ZNF451: variants seen among roughly 807,000 people sequenced by gnomAD.
ZNF451 encodes zinc finger protein 451, also known as E3 SUMO-protein ligase ZNF451.
Under a neutral mutation model 107.1 loss-of-function variants are expected in ZNF451, and 80 were observed. The ratio of observed to expected loss-of-function variants is 0.75; its 90% CI spans 0.62 to 0.90. The LOEUF is 0.90. Among genes scored for constraint, ZNF451 ranks in the 40% least tolerant of loss-of-function variants. The probability of loss-of-function intolerance (pLI) is 0.00; values close to 1 mark genes in which losing one functional copy is unlikely to be tolerated. For synonymous variants in ZNF451, 362 were observed against 406.5 expected, an observed-to-expected ratio of 0.89 and a Z score of 1.32; for missense variants, 1,107 against 1,236.2, an observed-to-expected ratio of 0.90 and a Z score of 1.57.
At chr6:57,160,751 T>C (rs1763636739) in intron 13 of ZNF451, 3 of 182,910 alleles carry the variant, frequency 1.6e-5, no homozygotes, top group Non-Finnish European at 3.4e-5. Flanking sequence ...TTTTCAGTCA[T>C]ACCGTATTAT....
intron 3 of ZNF451, among the ~76,000 whole-genome samples, chr6:57,111,174 G>T (rs1830090016): frequency 1.3e-5 from 2 of 151,826 alleles, no homozygotes. Flanking sequence ...GCCCACTTTG[G>T]CCTCCCGAAG....
At chr6:57,101,482 A>G in intron 3 of ZNF451, 1 of 1,551,048 alleles carries the variant, frequency 6.4e-7, no homozygotes, top group Non-Finnish European at 8.7e-7. Flanking sequence ...AGAACACAGC[A>G]AAAGAGGAAA....
chr6:57,159,285 C>A, intron 13 of ZNF451: 1 of 985,394 alleles, frequency 1.0e-6, no homozygotes, highest in Non-Finnish European at 1.2e-6. Context: ...ATTATTCAAA[C>A]CTGTAGTGTA....
At chr6:57,109,303 A>AT (rs34845247) in intron 3 of ZNF451, 67,055 of 730,798 alleles carry the variant, frequency 0.092, 400 homozygotes, top group Non-Finnish European at 0.1. Context: ...ATATACACAC[A>AT]TTTTTTTTTT....
At chr6:57,118,540 A>G (rs73467901) in intron 3 of ZNF451, among the ~76,000 whole-genome samples, 3 of 152,104 alleles carry the variant, frequency 2.0e-5, no homozygotes, top group African/African-American at 7.2e-5. Context: ...GTTGTCCCCC[A>G]GGCTGGATCA....
chr6:57,141,189 A>G (rs1487716916), intron 7 of ZNF451, 113 bp from the exon 8 acceptor site: 1 of 834,202 alleles, frequency 1.2e-6, no homozygotes, highest in African/African-American at 1.8e-5. Context: ...TCATGTTAAA[A>G]ATTGATACAG....
At chr6:57,098,911 G>T in intron 2 of ZNF451, 150 bp from the exon 3 acceptor site, 2 of 576,716 alleles carry the variant, frequency 3.5e-6, no homozygotes, top group Non-Finnish European at 6.3e-6. Flanking sequence ...TTCCTCTGCT[G>T]CTTTTGTTCT....
At chr6:57,154,588 G>A (rs1763310649) in intron 13 of ZNF451, 1 of 154,090 alleles carries the variant, frequency 6.5e-6, no homozygotes, top group Non-Finnish European at 1.4e-5. Flanking sequence ...AATGAAAGGA[G>A]TGCTGATACC....
At chr6:57,143,429 A>G (rs1316979991) in intron 9 of ZNF451, among the ~76,000 whole-genome samples, 2 of 151,978 alleles carry the variant, frequency 1.3e-5, no homozygotes, top group South Asian at 2.1e-4. Flanking sequence ...TTGTTTGCCC[A>G]TTTTCTAGTT....
rs1829336505 is a variant in ZNF451 at position 57,096,691 on chromosome 6, A to G, written c.106-2370A>G. On this transcript the variant is annotated intron_variant, in intron 2 of 14. Transcript: ENST00000370706. ...CTAATGCATATTTCTTGTAGAGAGC[A>G]AAGTAAGATGATTATATCAATGGGA... Among the ~76,000 whole-genome samples the G allele has an allele frequency of 5.9e-5, 9 of 151,932 alleles. 1 individual carries two copies. The South Asian group carries it at 1.9e-3, about 32-fold the overall frequency.
chr6:57,119,232 A>C (rs996921365), intron 3 of ZNF451, among the ~76,000 whole-genome samples: 1 of 152,194 alleles, frequency 6.6e-6, no homozygotes, highest in Non-Finnish European at 1.5e-5. Flanking sequence ...TCTGGTAGAA[A>C]AAGCCAGGGA....
At chr6:57,111,569 C>A (rs908920831) in intron 3 of ZNF451, among the ~76,000 whole-genome samples, 8 of 151,832 alleles carry the variant, frequency 5.3e-5, no homozygotes, top group African/African-American at 1.7e-4. Context: ...TTAGTAGATA[C>A]AAGATTTCAC....
intron 3 of ZNF451, among the ~76,000 whole-genome samples, chr6:57,118,331 AGAAAGTATTATCTCTGTT>A (rs1397957067): frequency 1.3e-5 from 2 of 152,156 alleles, no homozygotes; most frequent in African/African-American, 4.8e-5. Context: ...TTTAAAACCT[AGAAAGTATTATCTCTGTT>A]GAGAAAGTTA....
At chr6:57,103,024 A>G (rs1402616037) in intron 3 of ZNF451, 1 of 985,438 alleles carries the variant, frequency 1.0e-6, no homozygotes, top group Non-Finnish European at 1.2e-6. Context: ...CCTACCTTCT[A>G]AACATTTAAT....
At chr6:57,138,059 A>G (rs958797672) in intron 7 of ZNF451, among the ~76,000 whole-genome samples, 6 of 152,204 alleles carry the variant, frequency 3.9e-5, no homozygotes, top group African/African-American at 1.4e-4. Context: ...ATGCTTCTAT[A>G]AACCAACATC....
chr6:57,103,685 G>A (rs3800020), intron 3 of ZNF451: 24 of 985,272 alleles, frequency 2.4e-5, no homozygotes, highest in East Asian at 1.1e-4. Context: ...TAACTTCTGC[G>A]TTTTTTCATC....
At position 57,168,517 on chromosome 6, in the gene ZNF451, T is replaced by G. The variant is rs1226526852; in HGVS notation, c.*48T>G. ...TCAAGTGGCCTTGAAGAGACTGAGA[T>G]AACGAATTCTTGAGTTTGTTTTCTA... On this transcript the variant is annotated 3_prime_UTR_variant, in exon 15 of 15. Transcript: ENST00000370706. 2.1e-6 allele frequency: 3 copies of G among 1,449,068 alleles called. No homozygotes were observed. The Admixed American group carries it at 5.6e-5, about 27-fold the overall frequency. 89.8% of individuals were successfully genotyped at this position (1,449,068 alleles called of 1,614,324 possible). A position where few individuals can be genotyped will look rare whatever the true frequency, so the allele number is the denominator to read the frequency against.
intron 2 of ZNF451, among the ~76,000 whole-genome samples, chr6:57,098,793 A>G (rs1342506164): frequency 6.6e-6 from 1 of 152,182 alleles, no homozygotes; most frequent in Non-Finnish European, 1.5e-5. Flanking sequence ...CTGTTCTTAT[A>G]TTAATTTTCC....
intron 2 of ZNF451, among the ~76,000 whole-genome samples, chr6:57,095,138 G>A (rs1829226062): frequency 6.6e-6 from 1 of 152,070 alleles, no homozygotes; most frequent in Non-Finnish European, 1.5e-5. Context: ...TTGTGTATAA[G>A]TAATCTTTTC....
Sources: gnomAD v4.1 joint callset for allele counts (sites outside exome capture counted in the v4.1 genomes callset) on GRCh38, gnomAD v4.1.1 for gene constraint, MANE v1.5 for transcripts, NCBI Gene and HGNC (gene_info 2026-07-23, HGNC 2026-07-21) for gene names.